Variants in CATSPERE observed in about 807,000 individuals in gnomAD.
The protein encoded by CATSPERE is cation channel sperm-associated auxiliary subunit epsilon.
In CATSPERE, 93 loss-of-function variants were observed where a neutral mutation model predicts 114.1. The observed-to-expected ratio is 0.81, with a 90% confidence interval of 0.69 to 0.97. The LOEUF (loss-of-function observed/expected upper bound fraction) is 0.97. CATSPERE is among the 50% of genes least tolerant of loss of function. The probability of loss-of-function intolerance (pLI) is 0.00; values close to 1 mark genes in which losing one functional copy is unlikely to be tolerated. For synonymous variants in CATSPERE, 341 were observed against 384.1 expected, an observed-to-expected ratio of 0.89 and a Z score of 1.31; for missense variants, 1,058 against 1,131.6, an observed-to-expected ratio of 0.93 and a Z score of 0.93.
At chr1:244,598,694 TTC>T in intron 17 of CATSPERE, 1 of 218,556 alleles carries the variant, frequency 4.6e-6, no homozygotes, top group Non-Finnish European at 1.0e-5. Flanking sequence ...CCATATTTAA[TTC>T]TCTCTTTTGT....
At position 244,511,101 on chromosome 1, in the gene CATSPERE, C is replaced by T. The variant is rs185570064; in HGVS notation, c.430-7491C>T. 6.2e-3 allele frequency among the ~76,000 whole-genome samples: 949 copies of T among 152,138 alleles called. 5 individuals are homozygous for T. Among genetic ancestry groups the T allele is most frequent in the Middle Eastern group, 0.044 (13 of 294 alleles). On this transcript the variant is annotated intron_variant, in intron 7 of 21. Transcript: ENST00000366534. ...CAGGTGATCCACCCACCTCAGCCTC[C>T]CAAAGTGCTGGGATTACAGGCATGA...
intron 19 of CATSPERE, among the ~76,000 whole-genome samples, chr1:244,614,394 C>A (rs527285830): frequency 6.6e-6 from 1 of 152,328 alleles, no homozygotes; most frequent in South Asian, 2.1e-4. Context: ...GTGACTCTAA[C>A]TGAAGCCAAA....
At chr1:244,490,757 T>A (rs889980743) in intron 6 of CATSPERE, among the ~76,000 whole-genome samples, 1 of 152,204 alleles carries the variant, frequency 6.6e-6, no homozygotes, top group African/African-American at 2.4e-5. Flanking sequence ...CTGTCTTTTA[T>A]TAATACAAAT....
intron 2 of CATSPERE, among the ~76,000 whole-genome samples, chr1:244,475,761 T>C (rs1669242416): frequency 6.6e-6 from 1 of 150,908 alleles, no homozygotes; most frequent in Non-Finnish European, 1.5e-5. Flanking sequence ...GGTCTCGATC[T>C]CCTGACCTCG....
At chr1:244,551,859 T>C (rs1039132318) in intron 8 of CATSPERE, among the ~76,000 whole-genome samples, 5 of 151,726 alleles carry the variant, frequency 3.3e-5, no homozygotes, top group African/African-American at 1.2e-4. Context: ...GGTCAGGAGA[T>C]TGAGACCATC....
intron 5 of CATSPERE, among the ~76,000 whole-genome samples, chr1:244,483,446 G>A (rs1258926795): frequency 1.3e-5 from 2 of 152,122 alleles, no homozygotes; most frequent in East Asian, 1.9e-4. Flanking sequence ...ATCCACACTA[G>A]TAGTACGTGA....
At chr1:244,501,986 C>A (rs1043000519) in intron 7 of CATSPERE, among the ~76,000 whole-genome samples, 2 of 152,166 alleles carry the variant, frequency 1.3e-5, no homozygotes, top group Non-Finnish European at 2.9e-5. Context: ...GCACATCAAC[C>A]GCGCAGCCAT....
At position 244,568,532 on chromosome 1, in the gene CATSPERE, T is replaced by C. The variant is rs1195703608; in HGVS notation, c.1508-3798T>C. Among the ~76,000 whole-genome samples the C allele has an allele frequency of 6.6e-6, 1 of 152,226 alleles. No individual in the cohort carries two copies. Among genetic ancestry groups the C allele is most frequent in the East Asian group, 1.9e-4 (1 of 5,194 alleles). ...GGGGCTGCTGCCTTTCTTTCAGAGA[T>C]GCGCTGCCCAGAGAGGAGGAATCTA... On this transcript the variant is annotated intron_variant, in intron 10 of 21. Coordinates refer to ENST00000366534, the MANE Select transcript of CATSPERE (RefSeq NM_001130957.2). The surrounding 1 kb of genome is among the most constrained non-coding windows in gnomAD (Gnocchi z 4.4).
intron 19 of CATSPERE, 185 bp downstream of exon 19, chr1:244,610,511 T>C: frequency 1.5e-6 from 1 of 684,032 alleles, no homozygotes; most frequent in Non-Finnish European, 2.7e-6. Flanking sequence ...TGTGATCTTT[T>C]GTTGGTTCTG....
At chr1:244,608,110 AAATAAT>A (rs983125370) in intron 18 of CATSPERE, among the ~76,000 whole-genome samples, 1 of 152,114 alleles carries the variant, frequency 6.6e-6, no homozygotes, top group African/African-American at 2.4e-5. Context: ...CCGTCTAAAA[AAATAAT>A]AATAATAATT....
intron 6 of CATSPERE, among the ~76,000 whole-genome samples, chr1:244,490,860 C>T (rs986869598): frequency 3.3e-5 from 5 of 151,854 alleles, no homozygotes; most frequent in Non-Finnish European, 7.4e-5. Context: ...CGTTAATTAA[C>T]ATATAATAAA....
chr1:244,476,739 A>G (rs965478352), intron 2 of CATSPERE, among the ~76,000 whole-genome samples: 10 of 152,262 alleles, frequency 6.6e-5, no homozygotes, highest in African/African-American at 2.2e-4. Flanking sequence ...TGACAATGTT[A>G]GAAAGTGAAT....
chr1:244,528,065 C>A (rs375712832), intron 8 of CATSPERE, among the ~76,000 whole-genome samples: 5 of 152,324 alleles, frequency 3.3e-5, no homozygotes, highest in Admixed American at 6.5e-5. Context: ...CCAGGTGTTA[C>A]ACCCAGCATC....
intron 18 of CATSPERE, among the ~76,000 whole-genome samples, chr1:244,608,113 T>C (rs761171299): frequency 1.3e-5 from 2 of 151,970 alleles, no homozygotes; most frequent in Non-Finnish European, 2.9e-5. Context: ...TCTAAAAAAA[T>C]AATAATAATA....
intron 8 of CATSPERE, among the ~76,000 whole-genome samples, chr1:244,520,666 A>G (rs1278840350): frequency 1.3e-5 from 2 of 152,052 alleles, no homozygotes; most frequent in African/African-American, 4.8e-5. Flanking sequence ...GGAGTTTTAC[A>G]TACTGTGGAC....
intron 10 of CATSPERE, among the ~76,000 whole-genome samples, chr1:244,562,439 A>G (rs1662720784): frequency 6.6e-6 from 1 of 152,186 alleles, no homozygotes; most frequent in South Asian, 2.1e-4. Context: ...TTTCTGTAAT[A>G]TAAATTACTG....
At chr1:244,603,454 T>C (rs1669542373) in intron 17 of CATSPERE, among the ~76,000 whole-genome samples, 1 of 152,190 alleles carries the variant, frequency 6.6e-6, no homozygotes, top group South Asian at 2.1e-4. Flanking sequence ...ATTAGTATTA[T>C]ACCCTACATT....
intron 11 of CATSPERE, among the ~76,000 whole-genome samples, chr1:244,579,041 T>C (rs1297132045): frequency 6.6e-6 from 1 of 151,950 alleles, no homozygotes; most frequent in Non-Finnish European, 1.5e-5. Flanking sequence ...AGGTTTACAG[T>C]ATTGCACTAA....
chr1:244,513,349 A>G (rs910086841), intron 7 of CATSPERE, among the ~76,000 whole-genome samples: 2 of 152,138 alleles, frequency 1.3e-5, no homozygotes, highest in African/African-American at 4.8e-5. Flanking sequence ...GATGGGCAGG[A>G]CAGGTCTATT....
Sources: gnomAD v4.1 joint callset for allele counts (sites outside exome capture counted in the v4.1 genomes callset) on GRCh38, gnomAD v4.1.1 for gene constraint, Gnocchi (gnomAD v3.1) non-coding constraint, MANE v1.5 for transcripts, NCBI Gene and HGNC (gene_info 2026-07-23, HGNC 2026-07-21) for gene names.